The following ZNG1F variants were observed in gnomAD, a reference collection of about 807,000 sequenced individuals.
ZNG1F encodes Zn regulated GTPase metalloprotein activator 1F, also known as zinc-regulated GTPase metalloprotein activator 1F.
At chr9:41,180,354 AC>A in the ZNG1F span, among the ~76,000 whole-genome samples, 2 of 45,636 alleles carry the variant, frequency 4.4e-5, no homozygotes, top group South Asian at 1.4e-3. Context: ...GCAATGGGAA[AC>A]AAAAAAATGT....
At chr9:41,139,854 G>T in the ZNG1F span, among the ~76,000 whole-genome samples, 3 of 151,714 alleles carry the variant, frequency 2.0e-5, no homozygotes, top group Non-Finnish European at 4.4e-5. Context: ...AGTGAAATAA[G>T]CCAGTCACAG....
the ZNG1F span, among the ~76,000 whole-genome samples, chr9:41,139,148 T>C: frequency 9.3e-6 from 1 of 107,938 alleles, no homozygotes; most frequent in African/African-American, 3.6e-5. Flanking sequence ...TTGTTCAGAT[T>C]CTTTCATCCT....
At chr9:41,201,260 T>C in the ZNG1F span, among the ~76,000 whole-genome samples, 1 of 135,224 alleles carries the variant, frequency 7.4e-6, no homozygotes, top group East Asian at 2.4e-4. Context: ...ATATATATGC[T>C]ATACATATAT....
the ZNG1F span, among the ~76,000 whole-genome samples, chr9:41,137,533 TTC>T: frequency 2.1e-5 from 3 of 141,202 alleles, no homozygotes; most frequent in Non-Finnish European, 4.6e-5. Flanking sequence ...TTTGTTGACT[TTC>T]TGTCTTGATG....
the ZNG1F span, among the ~76,000 whole-genome samples, chr9:41,148,708 C>CTT: frequency 7.8e-3 from 1,037 of 132,740 alleles, 8 homozygotes; most frequent in East Asian, 0.051. Context: ...TTCTTTCTTT[C>CTT]TTTTTTTTTT....
At chr9:41,173,520 TC>T in the ZNG1F span, among the ~76,000 whole-genome samples, 1 of 146,998 alleles carries the variant, frequency 6.8e-6, no homozygotes, top group Non-Finnish European at 1.5e-5. Context: ...TAAGAAAGTT[TC>T]TAATATATTT....
the ZNG1F span, among the ~76,000 whole-genome samples, chr9:41,192,805 T>C: frequency 9.6e-6 from 1 of 103,852 alleles, no homozygotes; most frequent in Non-Finnish European, 2.0e-5. Context: ...GAGGGTTAAA[T>C]TGTTAAATTG....
the ZNG1F span, among the ~76,000 whole-genome samples, chr9:41,174,839 A>G: frequency 2.0e-5 from 1 of 50,500 alleles, no homozygotes; most frequent in Middle Eastern, 5.3e-3. Context: ...TAATCTGTGT[A>G]GAACTAGAAG....
At chr9:41,187,138 A>C in the ZNG1F span, among the ~76,000 whole-genome samples, 1 of 147,756 alleles carries the variant, frequency 6.8e-6, no homozygotes, top group African/African-American at 2.5e-5. Flanking sequence ...TGAAAAAAAA[A>C]ACACTTTAAG....
the ZNG1F span, among the ~76,000 whole-genome samples, chr9:41,196,705 T>TACAC: frequency 4.7e-5 from 4 of 85,060 alleles, no homozygotes; most frequent in Admixed American, 1.7e-4. Context: ...AAAATATATA[T>TACAC]ACACACACAT....
chr9:41,148,711 T>TC, the ZNG1F span, among the ~76,000 whole-genome samples: 1 of 146,398 alleles, frequency 6.8e-6, no homozygotes, highest in Admixed American at 6.8e-5. Flanking sequence ...TTTCTTTCTT[T>TC]TTTTTTTTTA....
the ZNG1F span, among the ~76,000 whole-genome samples, chr9:41,185,702 G>A: frequency 2.7e-5 from 4 of 150,044 alleles, no homozygotes; most frequent in Non-Finnish European, 4.4e-5. Flanking sequence ...AAAAATAAAC[G>A]TTTTTTCATA....
chr9:41,169,841 A>T, the ZNG1F span, among the ~76,000 whole-genome samples: 1 of 146,144 alleles, frequency 6.8e-6, no homozygotes, highest in Non-Finnish European at 1.5e-5. Flanking sequence ...TGTCAATTAT[A>T]CCTCAATAAA....
chr9:41,150,401 C>T, the ZNG1F span, among the ~76,000 whole-genome samples: 15 of 144,252 alleles, frequency 1.0e-4, 1 homozygote, highest in South Asian at 2.2e-4. Context: ...GGGGGAGGGG[C>T]GCCCGCCATT....
At chr9:41,158,835 C>G in the ZNG1F span, 5 of 107,902 alleles carry the variant, frequency 4.6e-5, no homozygotes, top group South Asian at 1.0e-3. Context: ...GGAGATAAAA[C>G]CATGAGATCT....
chr9:41,200,757 CA>C, the ZNG1F span, among the ~76,000 whole-genome samples: 1 of 152,296 alleles, frequency 6.6e-6, no homozygotes, highest in East Asian at 1.9e-4. Context: ...TGGCGGAAGG[CA>C]AAAGGCACAT....
chr9:41,195,679 A>G, the ZNG1F span, among the ~76,000 whole-genome samples: 51 of 111,716 alleles, frequency 4.6e-4, no homozygotes, highest in South Asian at 0.015. Context: ...AAAAGAAACT[A>G]TATTTTAGAT....
the ZNG1F span, among the ~76,000 whole-genome samples, chr9:41,185,819 T>G: frequency 2.1e-4 from 20 of 93,438 alleles, no homozygotes; most frequent in Non-Finnish European, 3.7e-4. Context: ...TTAAAACTAA[T>G]TTCAGTATCT....
the ZNG1F span, among the ~76,000 whole-genome samples, chr9:41,195,593 T>A: frequency 7.0e-6 from 1 of 142,924 alleles, no homozygotes; most frequent in Non-Finnish European, 1.5e-5. Context: ...CAGCTTGCCA[T>A]GAAATTAAAA....
Sources: allele counts gnomAD v4.1 joint callset (sites outside exome capture counted in the v4.1 genomes callset), GRCh38; gene constraint gnomAD v4.1.1; transcripts MANE v1.5; gene names NCBI Gene and HGNC (gene_info 2026-07-23, HGNC 2026-07-21).